The following TBC1D8 variants were observed in gnomAD, a reference collection of about 807,000 sequenced individuals.
TBC1D8 encodes TBC1 domain family member 8.
Under a neutral mutation model 118.8 loss-of-function variants are expected in TBC1D8, and 65 were observed. The ratio of observed to expected loss-of-function variants is 0.55; its 90% CI spans 0.45 to 0.67. The LOEUF is 0.67. Among genes scored for constraint, TBC1D8 ranks in the 30% least tolerant of loss-of-function variants. TBC1D8 has a pLI of 0.00. For missense variants in TBC1D8, 1,376 were observed against 1,471.2 expected (o/e 0.94, Z 1.06); for synonymous variants, 566 against 595.8 (o/e 0.95, Z 0.73).
Position 101,151,192 on chromosome 2 carries a change from T to C in TBC1D8, c.62A>G (p.Lys21Arg), listed in dbSNP as rs1679550301. The C allele has an allele frequency of 1.6e-6, 2 of 1,257,132 alleles. No homozygotes were observed. The highest frequency in any genetic ancestry group is 2.0e-6 in the Non-Finnish European group (2 of 975,614). 77.9% of individuals were successfully genotyped at this position (1,257,132 alleles called of 1,614,324 possible). The change falls in exon 1 of 20, where the codon AAG (lysine) becomes AGG (arginine). Residue 21 changes from lysine (K) to arginine (R), a missense_variant. Transcript: ENST00000409318. ...CTGCAGGATGAAGTAGCAGCTGCTC[T>C]TCTGGGTCACCCAGAGCTTCAGCGC... ...KNALKLWVTQKSSCYFILQRR... is the reference protein window; with the variant it reads ...KNALKLWVTQRSSCYFILQRR...
rs370685349 is a variant in TBC1D8, at chr2:101,111,609, C to T, written c.128-21245G>A. On this transcript the variant is annotated intron_variant, in intron 1 of 19. Coordinates refer to ENST00000409318, the MANE Select transcript of TBC1D8 (RefSeq NM_001330348.2). Reference sequence around the variant, plus strand: ...ATGACATCCACACAATGGTCCTTTGCTTTCTCAGGAAACCAAGAGAGGACA... The same window carrying T: ...ATGACATCCACACAATGGTCCTTTGTTTTCTCAGGAAACCAAGAGAGGACA... Among the ~76,000 whole-genome samples, 5 of 152,336 alleles carry T rather than the reference C, an allele frequency of 3.3e-5. No homozygotes were observed. The East Asian group carries it at 7.7e-4, about 23-fold the overall frequency.
At chr2:101,037,337 G>T (rs574620301) in intron 8 of TBC1D8, among the ~76,000 whole-genome samples, 195 bp downstream of exon 8, 8 of 152,346 alleles carry the variant, frequency 5.3e-5, no homozygotes, top group Non-Finnish European at 1.0e-4. Context: ...TTTACCGAAG[G>T]GTGGGTGGGA....
intron 2 of TBC1D8, among the ~76,000 whole-genome samples, chr2:101,079,325 A>C (rs1333794984): frequency 6.6e-6 from 1 of 152,172 alleles, no homozygotes; most frequent in Non-Finnish European, 1.5e-5. Context: ...GTAACCTATA[A>C]GACACTAGAG....
Position 101,022,322 on chromosome 2 carries a change from A to G in TBC1D8, c.2720T>C (p.Met907Thr), listed in dbSNP as rs1311845581. 1 of 1,613,008 alleles carries G rather than the reference A, an allele frequency of 6.2e-7. No homozygotes were observed. Among genetic ancestry groups the G allele is most frequent in the Non-Finnish European group, 8.5e-7 (1 of 1,179,638 alleles). ...CGCTTTGAACTCGATGAGCTGGTCCATGTTGTCATCCAAGAGCCTGAACGT... is the reference window on the plus strand; with the variant it reads ...CGCTTTGAACTCGATGAGCTGGTCCGTGTTGTCATCCAAGAGCCTGAACGT... ...ERTFRLLDDNMDQLIEFKAFV... is the reference protein window; with the variant it reads ...ERTFRLLDDNTDQLIEFKAFV... Residue 907 changes from methionine to threonine, a missense_variant, in exon 16 of 20, where the codon ATG (methionine) becomes ACG (threonine). Met to Thr is a moderately conservative substitution (Grantham distance 81). Coordinates refer to ENST00000409318, the MANE Select transcript of TBC1D8 (RefSeq NM_001330348.2).
chr2:101,046,495 A>G (rs1681711232), intron 5 of TBC1D8, among the ~76,000 whole-genome samples: 1 of 152,214 alleles, frequency 6.6e-6, no homozygotes, highest in Non-Finnish European at 1.5e-5. Context: ...AGGGTGAGAC[A>G]TGGGCCTTCT....
In TBC1D8 at chr2:101,141,747, TA is replaced by T. The variant is rs201695599; in HGVS notation, c.127+9379del. On this transcript the variant is annotated intron_variant, in intron 1 of 19. Coordinates refer to ENST00000409318, the MANE Select transcript of TBC1D8 (RefSeq NM_001330348.2). ...ACAATGAAAATAAAAAGCCTGACTT[TA>T]AAAAAAAATACATACAATTGAAAAA... 3.7e-4 allele frequency among the ~76,000 whole-genome samples: 55 copies of T among 146,680 alleles called. No homozygotes were observed. The East Asian group carries it at 8.5e-3, about 23-fold the overall frequency.
At chr2:101,085,756 G>A (rs780671360) in intron 2 of TBC1D8, among the ~76,000 whole-genome samples, 82 of 152,294 alleles carry the variant, frequency 5.4e-4, no homozygotes, top group Admixed American at 2.4e-3. Context: ...TGAAGAACAC[G>A]GGTTCAATAA....
chr2:101,059,716 G>A (rs572227949), intron 2 of TBC1D8, among the ~76,000 whole-genome samples, 177 bp from the exon 3 acceptor site: 1 of 152,282 alleles, frequency 6.6e-6, no homozygotes, highest in African/African-American at 2.4e-5. Context: ...CAAGGCAGGC[G>A]GATCACAAGG....
chr2:101,011,657 T>C, intron 17 of TBC1D8, 117 bp from the exon 18 acceptor site: 1 of 1,068,894 alleles, frequency 9.4e-7, no homozygotes. Context: ...CTGTGGACTG[T>C]AGTTTTTGCA....
Position 101,054,090 on chromosome 2 carries a change from C to T in TBC1D8, c.631+18G>A. ...GGGGCCAACTTTATCTTGGAAGAGCCTGCCAGGCCTCACTTACGTTCCTTG... is the reference window on the plus strand; with the variant it reads ...GGGGCCAACTTTATCTTGGAAGAGCTTGCCAGGCCTCACTTACGTTCCTTG... On this transcript the variant is annotated intron_variant, in intron 4 of 19. Coordinates refer to ENST00000409318, the MANE Select transcript of TBC1D8 (RefSeq NM_001330348.2). The T allele has an allele frequency of 6.3e-7, 1 of 1,595,688 alleles. No individual in the cohort carries two copies. Among genetic ancestry groups the T allele is most frequent in the Non-Finnish European group, 8.6e-7 (1 of 1,169,398 alleles).
intron 1 of TBC1D8, among the ~76,000 whole-genome samples, chr2:101,103,893 G>C (rs1677035787): frequency 6.6e-6 from 1 of 151,436 alleles, no homozygotes; most frequent in Non-Finnish European, 1.5e-5. Flanking sequence ...GAGAGAGAGA[G>C]AAGAAAAAAA....
chr2:101,125,875 A>C (rs1431719768), intron 1 of TBC1D8, among the ~76,000 whole-genome samples: 1 of 152,132 alleles, frequency 6.6e-6, no homozygotes, highest in African/African-American at 2.4e-5. Context: ...TCCTCCATCC[A>C]CCAGACATTT....
chr2:101,042,269 A>G (rs1276669636), intron 5 of TBC1D8, among the ~76,000 whole-genome samples: 1 of 152,134 alleles, frequency 6.6e-6, no homozygotes, highest in Non-Finnish European at 1.5e-5. Context: ...ACCAAATCAC[A>G]ATGTTTGAAA....
chr2:101,037,598 C>A lies in TBC1D8; in HGVS notation c.1386G>T (p.Leu462=). 3 of 1,613,628 alleles carry A rather than the reference C, an allele frequency of 1.9e-6. No individual in the cohort carries two copies. The highest frequency in any genetic ancestry group is 2.5e-6 in the Non-Finnish European group (3 of 1,179,902). Residue 462 remains leucine, a synonymous_variant, in exon 8 of 20, where the codon CTG becomes CTT. Transcript: ENST00000409318. ...SEESEKEKSP[L]MHPDALVTAF... The stretch of plus-strand genomic sequence containing the variant: ...CGGTGACCAGGGCATCGGGGTGCAT[C>A]AGCGGGCTCTTCTCTTTCTCACTCT...
chr2:101,084,911 C>T (rs1399817038), intron 2 of TBC1D8, among the ~76,000 whole-genome samples: 4 of 148,412 alleles, frequency 2.7e-5, no homozygotes, highest in African/African-American at 5.0e-5. Context: ...TCCAGTGGCT[C>T]GATCTCCGCT....
At chr2:101,078,783 T>C (rs1288473793) in intron 2 of TBC1D8, among the ~76,000 whole-genome samples, 2 of 108,906 alleles carry the variant, frequency 1.8e-5, no homozygotes, top group South Asian at 5.6e-4. Context: ...AAGGAACAAA[T>C]ATGGATAACT....
intron 1 of TBC1D8, among the ~76,000 whole-genome samples, chr2:101,134,243 TA>T: frequency 6.6e-6 from 1 of 150,770 alleles, no homozygotes; most frequent in Non-Finnish European, 1.5e-5. Context: ...ACAGACTTTC[TA>T]ATGATCTTTC....
At chr2:101,078,534 G>T (rs781031646) in intron 2 of TBC1D8, among the ~76,000 whole-genome samples, 1 of 152,056 alleles carries the variant, frequency 6.6e-6, no homozygotes, top group Non-Finnish European at 1.5e-5. Context: ...ACGTAGGAGA[G>T]AAATATTATA....
chr2:101,089,949 G>C (rs1675909679), intron 2 of TBC1D8, among the ~76,000 whole-genome samples: 1 of 150,624 alleles, frequency 6.6e-6, no homozygotes, highest in Non-Finnish European at 1.5e-5. Context: ...AAAAAGATGG[G>C]AGGGGAAAGC....
Sources: gnomAD v4.1 joint callset for allele counts (sites outside exome capture counted in the v4.1 genomes callset) on GRCh38, gnomAD v4.1.1 for gene constraint, MANE v1.5 for transcripts, NCBI Gene and HGNC (gene_info 2026-07-23, HGNC 2026-07-21) for gene names.